The following ITGAL variants were observed in gnomAD, a reference collection of about 807,000 sequenced individuals.
ITGAL encodes the protein integrin subunit alpha L.
Under a neutral mutation model 138.4 loss-of-function variants are expected in ITGAL, and 68 were observed. The observed-to-expected ratio is 0.49, with a 90% CI of 0.40 to 0.60. The LOEUF is 0.60. Among genes scored for constraint, ITGAL ranks in the 20% least tolerant of loss-of-function variants. The probability of loss-of-function intolerance (pLI) is 0.00; values close to 1 mark genes in which losing one functional copy is unlikely to be tolerated. For missense variants in ITGAL, 1,256 were observed against 1,478.6 expected, an observed-to-expected ratio of 0.85 and a Z score of 2.47; for synonymous variants, 561 against 584.3, an observed-to-expected ratio of 0.96 and a Z score of 0.57.
chr16:30,472,751 C>A lies in ITGAL; in HGVS notation c.-87C>A. The A allele has an allele frequency of 8.2e-7, 1 of 1,218,464 alleles. No homozygotes were observed. The highest frequency in any genetic ancestry group is 1.2e-6 in the Non-Finnish European group (1 of 836,748). The allele number at this position is 1,218,464 out of a possible 1,614,324, so 75.5% of individuals were successfully genotyped here. A position where few individuals can be genotyped will look rare whatever the true frequency, so the allele number is the denominator to read the frequency against. ...GAGGCCAAAGGGCATGATCATTTTC[C>A]TCTTTCACCCTGTCTAGGTTGCCAG... is the stretch of plus-strand genomic sequence containing the variant. On this transcript the variant is annotated 5_prime_UTR_variant, in exon 1 of 31. Transcript: ENST00000356798.
At position 30,513,812 on chromosome 16, in the gene ITGAL, G is replaced by A. The variant is rs1324005870; in HGVS notation, c.2828G>A (p.Gly943Asp). The change falls in exon 25 of 31, where the codon GGC becomes GAC. Residue 943 changes from glycine to aspartate, a missense_variant. Coordinates refer to ENST00000356798, the MANE Select transcript of ITGAL (RefSeq NM_002209.3). ...CTCTATGTCAGTTTCACCCCCAAAG[G>A]CCCCAAGATCCACCAAGTCAAGCAC... is the stretch of plus-strand genomic sequence containing the variant. Reference protein sequence around the residue: ...STLYVSFTPKGPKIHQVKHMY... With the variant: ...STLYVSFTPKDPKIHQVKHMY... The A allele has an allele frequency of 6.2e-7, 1 of 1,613,714 alleles. No individual in the cohort carries two copies. Among genetic ancestry groups the A allele is most frequent in the Middle Eastern group, 1.7e-4 (1 of 6,058 alleles).
At chr16:30,518,585 C>G in intron 28 of ITGAL, 39 bp from the exon 29 acceptor site, 1 of 1,441,786 alleles carries the variant, frequency 6.9e-7, no homozygotes, top group Non-Finnish European at 9.8e-7. Context: ...GTTCTGTCCT[C>G]GTTCTCCCGG....
At chr16:30,515,730 G>C (rs915213039) in intron 25 of ITGAL, among the ~76,000 whole-genome samples, 1 of 152,108 alleles carries the variant, frequency 6.6e-6, no homozygotes, top group East Asian at 1.9e-4. Flanking sequence ...CCAGCACTTT[G>C]GGAGGCCCAG....
intron 24 of ITGAL, 93 bp downstream of exon 24, chr16:30,511,229 A>G: frequency 1.1e-6 from 1 of 944,642 alleles, no homozygotes; most frequent in Non-Finnish European, 1.7e-6. Context: ...CTCCTTCTGA[A>G]CCTCCTTCCT....
chr16:30,476,150 C>CTGAGGCAGGAGAA (rs1358363036), intron 4 of ITGAL, among the ~76,000 whole-genome samples: 1 of 151,884 alleles, frequency 6.6e-6, no homozygotes, highest in African/African-American at 2.4e-5. Context: ...ACGCAGGAGG[C>CTGAGGCAGGAGAA]TGAGGCAGGA....
At position 30,522,176 on chromosome 16, in the gene ITGAL, C is replaced by T. The variant is rs2051263787; in HGVS notation, c.*511C>T. On this transcript the variant is annotated 3_prime_UTR_variant, in exon 31 of 31. Coordinates refer to ENST00000356798, the MANE Select transcript of ITGAL (RefSeq NM_002209.3). The surrounding 1 kb of genome is among the most constrained non-coding windows in gnomAD (Gnocchi z 4.0). Reference sequence around the variant, plus strand: ...CCAAAGACCAAATTCCTTGGCATGCCTTCCAGCACCCTGCAAAATGAGACC... The same window carrying T: ...CCAAAGACCAAATTCCTTGGCATGCTTTCCAGCACCCTGCAAAATGAGACC... 1.3e-5 allele frequency: 2 copies of T among 153,556 alleles called. No individual in the cohort carries two copies. The highest frequency in any genetic ancestry group is 4.8e-5 in the African/African-American group (2 of 41,482). 9.5% of individuals were successfully genotyped at this position (153,556 alleles called of 1,614,324 possible). A position where few individuals can be genotyped will look rare whatever the true frequency, so the allele number is the denominator to read the frequency against.
rs200803661 is a variant in ITGAL at position 30,506,843 on chromosome 16, T to C, written c.2495T>C (p.Val832Ala). 6.2e-7 allele frequency: 1 copy of C among 1,613,282 alleles called. No homozygotes were observed. The highest frequency in any genetic ancestry group is 1.3e-5 in the African/African-American group (1 of 74,888). ...HFPPGLSFRK[V>A]EMLKPHSQIP... Reference sequence around the variant, plus strand: ...CCCCCGGGACTCTCCTTCCGCAAGGTGGAGATGCTGAAGGTGGGTGAGAGG... The same window carrying C: ...CCCCCGGGACTCTCCTTCCGCAAGGCGGAGATGCTGAAGGTGGGTGAGAGG... Residue 832 changes from valine to alanine, a missense_variant, in exon 21 of 31, where the codon GTG (valine) becomes GCG (alanine). Val to Ala is a moderately conservative substitution (Grantham distance 64). Transcript: ENST00000356798.
At chr16:30,486,747 A>C (rs2050653040) in intron 9 of ITGAL, among the ~76,000 whole-genome samples, 1 of 152,076 alleles carries the variant, frequency 6.6e-6, no homozygotes, top group Admixed American at 6.6e-5. Context: ...GGCCCTCAGA[A>C]AGAGTTTGGA....
chr16:30,494,804 A>C lies in ITGAL; in HGVS notation c.1457A>C (p.Tyr486Ser). 6.2e-7 allele frequency: 1 copy of C among 1,611,684 alleles called. No individual in the cohort carries two copies. Among genetic ancestry groups the C allele is most frequent in the Non-Finnish European group, 8.5e-7 (1 of 1,178,298 alleles). ...ELLLIGAPLF[Y>S]GEQRGGRVFI... ...CTGCTGATTGGTGCCCCACTGTTCT[A>C]TGGGGAGCAGAGAGGAGGCCGGGTG... Residue 486 changes from tyrosine (Y) to serine (S), a missense_variant, in exon 13 of 31, where the codon TAT becomes TCT. Physicochemically the swap from Tyr to Ser is moderately radical, Grantham distance 144. This residue lies in a region of ITGAL where 867 missense variants were observed against 972.5 expected (regional missense o/e 0.89). Transcript: ENST00000356798. The surrounding 1 kb of genome is among the most constrained non-coding windows in gnomAD (Gnocchi z 4.2).
intron 11 of ITGAL, among the ~76,000 whole-genome samples, chr16:30,489,942 C>G (rs999060398): frequency 4.0e-5 from 6 of 148,412 alleles, no homozygotes; most frequent in Non-Finnish European, 7.4e-5. Context: ...TCTCAACAAA[C>G]AGGGCCGAGC....
At position 30,494,231 on chromosome 16, in the gene ITGAL, G is replaced by A; in HGVS notation, c.1233G>A (p.Leu411=). ...AGYLGYTVTW[L]PSRQKTSLLA... ...CCTCAGGTTACACCGTGACCTGGCT[G>A]CCCTCCCGGCAAAAGACTTCGTTGC... Residue 411 remains leucine, a synonymous_variant, in exon 12 of 31, where the codon CTG becomes CTA. Transcript: ENST00000356798. The surrounding 1 kb of genome is among the most constrained non-coding windows in gnomAD (Gnocchi z 4.2). 2 of 1,610,384 alleles carry A rather than the reference G, an allele frequency of 1.2e-6. No individual in the cohort carries two copies. The highest frequency in any genetic ancestry group is 1.7e-6 in the Non-Finnish European group (2 of 1,177,406).
rs576546791 is a variant in ITGAL, at chr16:30,474,640, G to A, written c.164+342G>A. The A allele has an allele frequency of 1.9e-5, 5 of 265,898 alleles. No homozygotes were observed. The East Asian group carries it at 3.5e-4, about 19-fold the overall frequency. The allele number at this position is 265,898 out of a possible 1,614,324, so 16.5% of individuals were successfully genotyped here. ...TCTCTTCCTAACCCTTCTTAGATAC[G>A]CCACCGCCCAGCACACAGTAGGTAA... On this transcript the variant is annotated intron_variant, in intron 2 of 30. Transcript: ENST00000356798.
intron 17 of ITGAL, among the ~76,000 whole-genome samples, chr16:30,502,172 C>T (rs948404763): frequency 3.9e-5 from 6 of 152,006 alleles, no homozygotes; most frequent in South Asian, 2.1e-4. Context: ...CCAAGGTGGG[C>T]GGATCACGAG....
chr16:30,511,773 G>A (rs530607451), intron 24 of ITGAL, among the ~76,000 whole-genome samples: 1 of 152,354 alleles, frequency 6.6e-6, no homozygotes, highest in African/African-American at 2.4e-5. Flanking sequence ...TAGCAGGAAG[G>A]AACCATGGGG....
chr16:30,506,628 T>C (rs1183115367), intron 20 of ITGAL, 87 bp from the exon 21 acceptor site: 1 of 934,672 alleles, frequency 1.1e-6, no homozygotes, highest in Non-Finnish European at 1.6e-6. Context: ...TTTTGATTTA[T>C]TTCTTTCTGG....
intron 17 of ITGAL, among the ~76,000 whole-genome samples, chr16:30,499,733 A>ATATATATATATTTT: frequency 1.1e-5 from 1 of 88,386 alleles, no homozygotes; most frequent in African/African-American, 6.0e-5. Context: ...ATATATATAT[A>ATATATATATATTTT]TTTTTTTTTT....
chr16:30,502,817 C>CTT (rs71149035), intron 17 of ITGAL, among the ~76,000 whole-genome samples: 4 of 67,382 alleles, frequency 5.9e-5, no homozygotes, highest in Admixed American at 2.7e-4. Flanking sequence ...TTGTTTTAAA[C>CTT]TTTTTTTTTT....
At position 30,494,525 on chromosome 16, in the gene ITGAL, C is replaced by T. The variant is rs2050772706; in HGVS notation, c.1365+162C>T. Among the ~76,000 whole-genome samples, 1 of 152,180 alleles carries T rather than the reference C, an allele frequency of 6.6e-6. No homozygotes were observed. The highest frequency in any genetic ancestry group is 1.9e-4 in the East Asian group (1 of 5,194). ...CACACAGAGGTAAGCCCTGTCATCTCCCTCTCTAGTTTAAGAAACTGAACC... is the reference window on the plus strand; with the variant it reads ...CACACAGAGGTAAGCCCTGTCATCTTCCTCTCTAGTTTAAGAAACTGAACC... On this transcript the variant is annotated intron_variant, in intron 12 of 30. Coordinates refer to ENST00000356798, the MANE Select transcript of ITGAL (RefSeq NM_002209.3). The surrounding 1 kb of genome is among the most constrained non-coding windows in gnomAD (Gnocchi z 4.2).
Position 30,506,744 on chromosome 16 carries a change from C to T in ITGAL, c.2396C>T (p.Ala799Val), listed in dbSNP as rs756464450. Reference sequence around the variant, plus strand: ...AGAGCCCTGCGTCTAACTGCTTTTGCCAGCCTCTCTGTGGAGCTGAGCCTG... The same window carrying T: ...AGAGCCCTGCGTCTAACTGCTTTTGTCAGCCTCTCTGTGGAGCTGAGCCTG... The part of the protein sequence containing the change: ...RSRALRLTAF[A>V]SLSVELSLSN... Residue 799 changes from alanine to valine, a missense_variant, in exon 21 of 31, where the codon GCC (alanine) becomes GTC (valine). Transcript: ENST00000356798. 1.2e-6 allele frequency: 2 copies of T among 1,613,728 alleles called. No homozygotes were observed. Among genetic ancestry groups the T allele is most frequent in the Non-Finnish European group, 1.7e-6 (2 of 1,179,886 alleles).
Sources: gnomAD v4.1 joint callset for allele counts (sites outside exome capture counted in the v4.1 genomes callset) on GRCh38, gnomAD v4.1.1 for gene constraint, gnomAD v4.1.1 regional missense constraint, Gnocchi (gnomAD v3.1) non-coding constraint, MANE v1.5 for transcripts, NCBI Gene and HGNC (gene_info 2026-07-23, HGNC 2026-07-21) for gene names.